The following PYGB variants were observed in gnomAD, a reference collection of about 807,000 sequenced individuals.
PYGB encodes glycogen phosphorylase B.
PYGB carries 82 observed loss-of-function variants against 94.3 expected under a neutral mutation model. The ratio of observed to expected loss-of-function variants is 0.87; its 90% confidence interval spans 0.73 to 1.04. The LOEUF (loss-of-function observed/expected upper bound fraction) is 1.04, where lower values mean the gene tolerates loss of function less well. PYGB is among the 50% of genes least tolerant of loss of function. The probability of loss-of-function intolerance (pLI) is 0.00; values close to 1 mark genes in which losing one functional copy is unlikely to be tolerated. For missense variants in PYGB, 1,132 were observed against 1,158.2 expected (o/e 0.98, Z 0.33); for synonymous variants, 488 against 479.1 (o/e 1.02, Z -0.24).
chr20:25,276,131 G>T (rs949984788), intron 5 of PYGB, among the ~76,000 whole-genome samples: 9 of 152,282 alleles, frequency 5.9e-5, no homozygotes, highest in Admixed American at 1.3e-4. Context: ...GCGCAGCTGG[G>T]CTTGTGCTGG....
chr20:25,293,729 C>G (rs1033748286), intron 17 of PYGB, among the ~76,000 whole-genome samples: 3 of 152,198 alleles, frequency 2.0e-5, no homozygotes, highest in African/African-American at 4.8e-5. Flanking sequence ...GTCTTGCTTG[C>G]GTTTTTCCTT....
intron 2 of PYGB, among the ~76,000 whole-genome samples, chr20:25,264,182 A>G (rs1309206559): frequency 1.3e-5 from 2 of 152,236 alleles, no homozygotes; most frequent in Non-Finnish European, 2.9e-5. Context: ...AAACCATATG[A>G]TTATCTCAAT....
At chr20:25,283,800 C>T (rs536506272) in intron 13 of PYGB, among the ~76,000 whole-genome samples, 1 of 152,304 alleles carries the variant, frequency 6.6e-6, no homozygotes, top group South Asian at 2.1e-4. Context: ...AGCCGTCCCG[C>T]TCCCGCGCTG....
chr20:25,255,613 G>A (rs1200014135), intron 1 of PYGB, among the ~76,000 whole-genome samples: 2 of 152,222 alleles, frequency 1.3e-5, no homozygotes, highest in African/African-American at 2.4e-5. Context: ...TGCTGGCACC[G>A]ACAGAATCGA....
chr20:25,255,890 C>T (rs1313101170), intron 1 of PYGB, among the ~76,000 whole-genome samples: 4 of 152,096 alleles, frequency 2.6e-5, no homozygotes, highest in African/African-American at 7.2e-5. Context: ...TGCACCACCA[C>T]GCCCAGCTAG....
At chr20:25,283,128 C>T (rs1198707127) in intron 12 of PYGB, 48 bp from the exon 13 acceptor site, 4 of 1,504,224 alleles carry the variant, frequency 2.7e-6, no homozygotes, top group Non-Finnish European at 3.7e-6. Context: ...GGGGGCCCAG[C>T]CTCAGGAGGC....
In PYGB at chr20:25,266,143, G is replaced by A. The variant is rs192447890; in HGVS notation, c.346-2986G>A. Among the ~76,000 whole-genome samples the A allele has an allele frequency of 2.4e-3, 364 of 152,234 alleles. 1 individual carries two copies. The highest frequency in any genetic ancestry group is 3.1e-3 in the Non-Finnish European group (208 of 68,012). ...TGGGATTTCAGGCGTGTGCCACTGC[G>A]CCTGGCTGATAGTATCTTTTGATTC... On this transcript the variant is annotated intron_variant, in intron 2 of 19. Transcript: ENST00000216962.
At chr20:25,286,698 CCAGGACCTG>C (rs1435708844) in intron 14 of PYGB, among the ~76,000 whole-genome samples, 1 of 152,202 alleles carries the variant, frequency 6.6e-6, no homozygotes, top group Non-Finnish European at 1.5e-5. Flanking sequence ...CCTCTGGAGG[CCAGGACCTG>C]CCTTGTGAGG....
intron 3 of PYGB, among the ~76,000 whole-genome samples, chr20:25,271,029 GGGT>G (rs569254734): frequency 2.0e-4 from 31 of 152,302 alleles, no homozygotes; most frequent in African/African-American, 7.5e-4. Flanking sequence ...AGAACAGCCT[GGGT>G]TTCAGTGGAA....
At chr20:25,251,348 A>G (rs2092887522) in intron 1 of PYGB, 1 of 152,140 alleles carries the variant, frequency 6.6e-6, no homozygotes, top group Admixed American at 6.5e-5. Flanking sequence ...GCTTGGGCGG[A>G]TTTCTTTGCC....
intron 2 of PYGB, among the ~76,000 whole-genome samples, chr20:25,264,053 A>C (rs2092919184): frequency 6.6e-6 from 1 of 152,244 alleles, no homozygotes; most frequent in African/African-American, 2.4e-5. Context: ...AACCAAATCC[A>C]GCAGCACATC....
intron 3 of PYGB, 56 bp from the exon 4 acceptor site, chr20:25,271,327 A>C (rs1397399230): frequency 1.3e-6 from 2 of 1,555,630 alleles, no homozygotes; most frequent in South Asian, 2.2e-5. Flanking sequence ...CTGCCTCCGC[A>C]TGGGACCTTG....
chr20:25,277,216 G>A (rs2088320758), intron 6 of PYGB, 28 bp from the exon 7 acceptor site: 2 of 1,517,690 alleles, frequency 1.3e-6, no homozygotes, highest in Non-Finnish European at 1.8e-6. Context: ...AGGCATGTGT[G>A]TGTTGACCCC....
At chr20:25,254,795 A>C (rs141908510) in intron 1 of PYGB, among the ~76,000 whole-genome samples, 2 of 152,326 alleles carry the variant, frequency 1.3e-5, no homozygotes, top group African/African-American at 4.8e-5. Context: ...AGTACTGAAT[A>C]GACTTTTTGT....
chr20:25,248,594 GC>G lies in PYGB; in HGVS notation c.243+176del, dbSNP rs1464981743. Among the ~76,000 whole-genome samples the G allele has an allele frequency of 3.3e-5, 5 of 152,046 alleles. No individual in the cohort carries two copies. In the East Asian group the frequency reaches 9.7e-4, roughly 29 times the overall value. The stretch of plus-strand genomic sequence containing the variant: ...TCGCCTGGAAGCCGCAGTCGGCGGG[GC>G]CCGGGCGTCCCCTGCGCAGGGCCGC... On this transcript the variant is annotated intron_variant, in intron 1 of 19. Coordinates refer to ENST00000216962, the MANE Select transcript of PYGB (RefSeq NM_002862.4).
intron 2 of PYGB, among the ~76,000 whole-genome samples, chr20:25,266,674 AC>A (rs1408486808): frequency 6.6e-6 from 1 of 152,252 alleles, no homozygotes; most frequent in African/African-American, 2.4e-5. Flanking sequence ...AACTCTGACA[AC>A]CACAAAAAGA....
intron 4 of PYGB, 34 bp from the exon 5 acceptor site, chr20:25,274,558 G>C: frequency 1.2e-6 from 2 of 1,605,590 alleles, no homozygotes; most frequent in Non-Finnish European, 8.5e-7. Context: ...GGACATCTGC[G>C]CTGAGGGTGC....
chr20:25,257,974 T>C (rs559251179), intron 1 of PYGB, among the ~76,000 whole-genome samples: 31 of 152,308 alleles, frequency 2.0e-4, no homozygotes, highest in African/African-American at 7.5e-4. Flanking sequence ...TGACTGTGAG[T>C]GACAGCAGCA....
chr20:25,256,618 C>T (rs899488294), intron 1 of PYGB, among the ~76,000 whole-genome samples: 3 of 152,214 alleles, frequency 2.0e-5, no homozygotes, highest in Admixed American at 6.5e-5. Context: ...CAATCCCAGG[C>T]GGCAGGGCCT....
Sources: gnomAD v4.1 joint callset for allele counts (sites outside exome capture counted in the v4.1 genomes callset) on GRCh38, gnomAD v4.1.1 for gene constraint, MANE v1.5 for transcripts, NCBI Gene and HGNC (gene_info 2026-07-23, HGNC 2026-07-21) for gene names.